Variants in KCNIP4 observed in about 807,000 individuals in gnomAD.
The protein encoded by KCNIP4 is Kv channel-interacting protein 4.
Under a neutral mutation model 34.0 loss-of-function variants are expected in KCNIP4, and 12 were observed. The ratio of observed to expected loss-of-function variants is 0.35; its 90% confidence interval spans 0.23 to 0.57. The LOEUF (loss-of-function observed/expected upper bound fraction) is 0.57, where lower values mean the gene tolerates loss of function less well. Among genes scored for constraint, KCNIP4 ranks in the 20% least tolerant of loss-of-function variants. The pLI, the probability that KCNIP4 is intolerant of heterozygous loss-of-function variation, is 0.83. For missense variants in KCNIP4, 238 were observed against 311.7 expected (o/e 0.76, Z 1.78); for synonymous variants, 124 against 102.2 (o/e 1.21, Z -1.29).
At chr4:20,795,779 A>G (rs2149409599) in intron 3 of KCNIP4, among the ~76,000 whole-genome samples, 1 of 152,308 alleles carries the variant, frequency 6.6e-6, no homozygotes, top group African/African-American at 2.4e-5. Context: ...ATCTATTGTC[A>G]CAGTGCTTAT....
rs1291869329 is a variant in KCNIP4, at chr4:20,729,287, T to C, written c.*795A>G. On this transcript the variant is annotated 3_prime_UTR_variant, in exon 9 of 9. Coordinates refer to ENST00000382152, the MANE Select transcript of KCNIP4 (RefSeq NM_025221.6). Reference sequence around the variant, plus strand: ...ATGTCTGTAAACATCCTTGTTTTGTTTGATGCCTTCTTCAACTTCCACTTA... The same window carrying C: ...ATGTCTGTAAACATCCTTGTTTTGTCTGATGCCTTCTTCAACTTCCACTTA... 1 of 152,240 alleles carries C rather than the reference T, an allele frequency of 6.6e-6. No homozygotes were observed. Among genetic ancestry groups the C allele is most frequent in the East Asian group, 2.0e-4 (1 of 5,084 alleles). The allele number at this position is 152,240 out of a possible 1,614,324, so 9.4% of individuals were successfully genotyped here.
intron 1 of KCNIP4, among the ~76,000 whole-genome samples, chr4:21,201,488 C>T (rs998805682): frequency 1.3e-5 from 2 of 152,072 alleles, no homozygotes; most frequent in Non-Finnish European, 2.9e-5. Context: ...TGATCATCTA[C>T]TGCCCATTTA....
At chr4:21,081,695 A>G (rs537134198) in intron 1 of KCNIP4, among the ~76,000 whole-genome samples, 18 of 151,902 alleles carry the variant, frequency 1.2e-4, no homozygotes, top group Non-Finnish European at 2.2e-4. Context: ...CATGATTACA[A>G]AACAAGTCTT....
intron 1 of KCNIP4, among the ~76,000 whole-genome samples, chr4:21,726,115 G>A (rs940867888): frequency 6.6e-6 from 1 of 152,176 alleles, no homozygotes; most frequent in Non-Finnish European, 1.5e-5. Context: ...TAGCAATATT[G>A]TGTCTCATAA....
chr4:21,860,023 TGA>T (rs896628720), intron 1 of KCNIP4, among the ~76,000 whole-genome samples: 2 of 152,176 alleles, frequency 1.3e-5, no homozygotes, highest in African/African-American at 4.8e-5. Flanking sequence ...GCTGGACAAC[TGA>T]GAGAGACGCT....
At chr4:21,206,538 G>A (rs1371946051) in intron 1 of KCNIP4, among the ~76,000 whole-genome samples, 1 of 152,154 alleles carries the variant, frequency 6.6e-6, no homozygotes, top group East Asian at 1.9e-4. Flanking sequence ...GATGGGGGAT[G>A]GCTTCTTGCT....
chr4:20,737,123 A>C (rs577242053), intron 5 of KCNIP4, among the ~76,000 whole-genome samples: 1 of 152,098 alleles, frequency 6.6e-6, no homozygotes, highest in Non-Finnish European at 1.5e-5. Context: ...TCCCATTGGC[A>C]TGAAGGGTAG....
intron 1 of KCNIP4, among the ~76,000 whole-genome samples, chr4:21,920,246 T>C (rs1038059090): frequency 6.6e-6 from 1 of 152,190 alleles, no homozygotes; most frequent in Non-Finnish European, 1.5e-5. Flanking sequence ...TGACTTTTTG[T>C]ATCTGTAGGT....
At chr4:20,947,329 C>T (rs1431532801) in intron 1 of KCNIP4, among the ~76,000 whole-genome samples, 9 of 152,044 alleles carry the variant, frequency 5.9e-5, no homozygotes, top group Admixed American at 2.6e-4. Flanking sequence ...CCAACACTCT[C>T]GGCTAATTTT....
At chr4:20,788,105 G>A (rs1294143411) in intron 3 of KCNIP4, among the ~76,000 whole-genome samples, 1 of 151,990 alleles carries the variant, frequency 6.6e-6, no homozygotes, top group African/African-American at 2.4e-5. Flanking sequence ...AAACTCTGCG[G>A]GGAAAGGAAT....
intron 1 of KCNIP4, among the ~76,000 whole-genome samples, chr4:21,130,835 A>C (rs1213260527): frequency 6.6e-6 from 1 of 152,234 alleles, no homozygotes; most frequent in Non-Finnish European, 1.5e-5. Flanking sequence ...AGAAATGTAT[A>C]GATAATCATT....
intron 1 of KCNIP4, among the ~76,000 whole-genome samples, chr4:20,943,028 C>A (rs13151655): frequency 0.053 from 8,035 of 152,200 alleles, 312 homozygotes; most frequent in Non-Finnish European, 0.084. Flanking sequence ...TTGACTTCAA[C>A]CATGAATCAA....
intron 1 of KCNIP4, among the ~76,000 whole-genome samples, chr4:21,719,799 G>A (rs922941112): frequency 1.3e-5 from 2 of 151,728 alleles, no homozygotes; most frequent in Admixed American, 6.6e-5. Flanking sequence ...CCATCTCTAC[G>A]AAAACTACAA....
chr4:21,639,034 CT>C (rs1746421019), intron 1 of KCNIP4, among the ~76,000 whole-genome samples: 1 of 152,058 alleles, frequency 6.6e-6, no homozygotes, highest in Admixed American at 6.6e-5. Flanking sequence ...ATAAATTATG[CT>C]GCTGATTAAT....
intron 1 of KCNIP4, among the ~76,000 whole-genome samples, chr4:21,009,311 G>C (rs1738856297): frequency 6.6e-6 from 1 of 152,154 alleles, no homozygotes; most frequent in Non-Finnish European, 1.5e-5. Context: ...ATTTCAGGAT[G>C]GATTTGGATG....
chr4:21,147,507 G>A (rs528163659), intron 1 of KCNIP4, among the ~76,000 whole-genome samples: 32 of 152,172 alleles, frequency 2.1e-4, no homozygotes, highest in African/African-American at 6.7e-4. Flanking sequence ...CTGCTTCAGA[G>A]TTGTTGAGCT....
rs989237692 is a variant in KCNIP4 at position 21,703,809 on chromosome 4, C to T, written c.61+244762G>A. ...TGCAACTGCAAGCAAAATTACAAGACTTTTCGATCATAGACAAGATTTTTC... is the reference window on the plus strand; with the variant it reads ...TGCAACTGCAAGCAAAATTACAAGATTTTTCGATCATAGACAAGATTTTTC... On this transcript the variant is annotated intron_variant, in intron 1 of 8. Coordinates refer to ENST00000382152, the MANE Select transcript of KCNIP4 (RefSeq NM_025221.6). Among the ~76,000 whole-genome samples, 121 of 152,206 alleles carry T rather than the reference C, an allele frequency of 7.9e-4. 9 individuals are homozygous for T. The highest frequency in any genetic ancestry group is 2.1e-4 in the South Asian group (1 of 4,824).
intron 1 of KCNIP4, among the ~76,000 whole-genome samples, chr4:21,044,242 A>G (rs896629059): frequency 3.3e-5 from 5 of 151,986 alleles, no homozygotes; most frequent in Non-Finnish European, 5.9e-5. Flanking sequence ...AGATTGTCCT[A>G]TGGACTCTGT....
intron 1 of KCNIP4, among the ~76,000 whole-genome samples, chr4:21,274,592 A>C (rs946626531): frequency 2.6e-5 from 4 of 152,214 alleles, no homozygotes; most frequent in African/African-American, 9.6e-5. Flanking sequence ...TTTACTTAAA[A>C]TAGCACAGAA....
Sources: allele counts gnomAD v4.1 joint callset (sites outside exome capture counted in the v4.1 genomes callset), GRCh38; gene constraint gnomAD v4.1.1; transcripts MANE v1.5; gene names NCBI Gene and HGNC (gene_info 2026-07-23, HGNC 2026-07-21).